The following TBC1D16 variants were observed in gnomAD, a reference collection of about 807,000 sequenced individuals.
TBC1D16 encodes the protein TBC1 domain family member 16, also known as CTD-2529O21.1.
TBC1D16 carries 58 observed loss-of-function variants against 74.7 expected under a neutral mutation model. The observed-to-expected ratio is 0.78, with a 90% CI of 0.63 to 0.97. The LOEUF (loss-of-function observed/expected upper bound fraction) is 0.97. Among genes scored for constraint, TBC1D16 ranks in the 50% least tolerant of loss-of-function variants. TBC1D16 has a pLI of 0.00. For synonymous variants in TBC1D16, 493 were observed against 474.7 expected (o/e 1.04, Z -0.50); for missense variants, 1,014 against 1,079.5 (o/e 0.94, Z 0.85).
chr17:80,006,226 T>TTCTCTCTCTCTC (rs113353447), intron 3 of TBC1D16, among the ~76,000 whole-genome samples: 38 of 148,834 alleles, frequency 2.6e-4, no homozygotes, highest in African/African-American at 8.2e-4. Context: ...CTCTCTTTCT[T>TTCTCTCTCTCTC]TCTCTCTCTC....
chr17:79,966,096 C>G (rs1057382848), intron 3 of TBC1D16, among the ~76,000 whole-genome samples: 14 of 152,172 alleles, frequency 9.2e-5, no homozygotes, highest in Non-Finnish European at 1.9e-4. Flanking sequence ...TCCTTTGAGT[C>G]CCCCCAGCTT....
rs781659458 is a variant in TBC1D16 at position 79,940,984 on chromosome 17, C to T, written c.2179G>A (p.Gly727Ser). ...SGSMPAVECT[G>S]HHPGSESCPY... The stretch of plus-strand genomic sequence containing the variant: ...CAGCTCTCCGAGCCGGGATGGTGGC[C>T]GGTGCACTCCACCGCGGGCATGGAG... The change falls in exon 12 of 12, where the codon GGC (glycine) becomes AGC (serine). Residue 727 changes from glycine (G) to serine (S), a missense_variant. By Grantham distance (56) the Gly-to-Ser change is moderately conservative. Coordinates refer to ENST00000310924, the MANE Select transcript of TBC1D16 (RefSeq NM_019020.4). This position sits in a 1 kb window ranked among gnomAD's most constrained non-coding sequence, Gnocchi z 5.4. The T allele has an allele frequency of 1.6e-5, 26 of 1,607,778 alleles. No homozygotes were observed. The Admixed American group carries it at 1.7e-4, about 10-fold the overall frequency.
At chr17:79,957,069 T>G (rs2033371484) in intron 3 of TBC1D16, among the ~76,000 whole-genome samples, 2 of 152,186 alleles carry the variant, frequency 1.3e-5, no homozygotes, top group Admixed American at 1.3e-4. Context: ...AGCGAGTCTC[T>G]GTGTTCTGTC....
At chr17:80,032,227 T>C (rs1354893081) in intron 1 of TBC1D16, among the ~76,000 whole-genome samples, 1 of 152,068 alleles carries the variant, frequency 6.6e-6, no homozygotes, top group Non-Finnish European at 1.5e-5. Flanking sequence ...ACGGAGAAAA[T>C]ACTGCCACAT....
intron 2 of TBC1D16, among the ~76,000 whole-genome samples, chr17:80,011,359 T>C (rs2035884868): frequency 6.6e-6 from 1 of 152,052 alleles, no homozygotes; most frequent in Admixed American, 6.6e-5. Context: ...GCCATGCACC[T>C]TTCCAAGTAC....
intron 3 of TBC1D16, among the ~76,000 whole-genome samples, chr17:79,960,474 C>G (rs1276585670): frequency 6.6e-6 from 1 of 151,968 alleles, no homozygotes. Flanking sequence ...ATGAATGAGG[C>G]CACGAGCAAG....
intron 3 of TBC1D16, among the ~76,000 whole-genome samples, chr17:79,973,527 G>A (rs1183904396): frequency 1.3e-5 from 2 of 152,148 alleles, no homozygotes; most frequent in Non-Finnish European, 2.9e-5. Context: ...GTCTAACATG[G>A]TGAAACCCCG....
At position 79,949,860 on chromosome 17, in the gene TBC1D16, A is replaced by G. The variant is rs939046037; in HGVS notation, c.1263T>C (p.Ile421=). The G allele has an allele frequency of 1.2e-6, 2 of 1,612,758 alleles. No individual in the cohort carries two copies. Among genetic ancestry groups the G allele is most frequent in the Non-Finnish European group, 1.7e-6 (2 of 1,179,198 alleles). Residue 421 remains isoleucine, a synonymous_variant, in exon 7 of 12, where the codon ATT becomes ATC. Coordinates refer to ENST00000310924, the MANE Select transcript of TBC1D16 (RefSeq NM_019020.4). ...VEEEYKLRKA[I]FFGGIDVSIR... Reference sequence around the variant, plus strand: ...TTGACACATCAATACCGCCAAAGAAAATGGCCTGGAGGAAGCGGCAAAAGT... The same window carrying G: ...TTGACACATCAATACCGCCAAAGAAGATGGCCTGGAGGAAGCGGCAAAAGT...
chr17:80,005,375 G>T (rs951347737), intron 3 of TBC1D16, among the ~76,000 whole-genome samples: 1 of 152,190 alleles, frequency 6.6e-6, no homozygotes. Context: ...GCCCCATGGC[G>T]CCCCGTTATT....
Position 79,952,716 on chromosome 17 carries a change from CTG to C in TBC1D16, c.880_881del (p.Gln294AspfsTer53), listed in dbSNP as rs1219343416. ...DEPQRVCALE[Q>X]ICGVFRVDLG... ...GGTCCACGCGGAACACGCCGCAAAT[CTG>C]CTCCAGGGCGCACACCCGCTGCGGC... On this transcript the variant is annotated frameshift_variant, in exon 4 of 12. Transcript: ENST00000310924. LOFTEE classifies it high-confidence loss of function. The C allele has an allele frequency of 6.2e-7, 1 of 1,612,068 alleles. No homozygotes were observed. The highest frequency in any genetic ancestry group is 8.5e-7 in the Non-Finnish European group (1 of 1,178,996).
At chr17:79,976,673 C>T (rs2034344654) in intron 3 of TBC1D16, among the ~76,000 whole-genome samples, 1 of 152,168 alleles carries the variant, frequency 6.6e-6, no homozygotes, top group East Asian at 1.9e-4. Flanking sequence ...GCAAACTGGC[C>T]CTGATACACT....
At chr17:79,995,409 C>T (rs1174584684) in intron 3 of TBC1D16, among the ~76,000 whole-genome samples, 1 of 151,976 alleles carries the variant, frequency 6.6e-6, no homozygotes, top group South Asian at 2.1e-4. Context: ...ACAAACGACG[C>T]GGGAGTCATT....
Position 79,940,844 on chromosome 17 carries a change from T to C in TBC1D16, c.*15A>G, listed in dbSNP as rs1296379. The C allele has an allele frequency of 1.3e-6, 2 of 1,519,458 alleles. No individual in the cohort carries two copies. Among genetic ancestry groups the C allele is most frequent in the African/African-American group, 1.4e-5 (1 of 72,970 alleles). 94.1% of individuals were successfully genotyped at this position (1,519,458 alleles called of 1,614,324 possible). ...GGAGGTCCCCTCAACCCCTGTCCGG[T>C]GTCGGGGGCCCGACCTATCTGCGGA... On this transcript the variant is annotated 3_prime_UTR_variant, in exon 12 of 12. Transcript: ENST00000310924. The surrounding 1 kb of genome is among the most constrained non-coding windows in gnomAD (Gnocchi z 5.4).
intron 1 of TBC1D16, among the ~76,000 whole-genome samples, chr17:80,027,395 G>C (rs745475304): frequency 1.3e-5 from 2 of 152,104 alleles, no homozygotes; most frequent in African/African-American, 4.8e-5. Context: ...CCAGGAGTTC[G>C]AGATCAGCCT....
In TBC1D16 at chr17:79,938,962, C is replaced by A. The variant is rs1124736; in HGVS notation, c.*1897G>T. On this transcript the variant is annotated 3_prime_UTR_variant, in exon 12 of 12. Coordinates refer to ENST00000310924, the MANE Select transcript of TBC1D16 (RefSeq NM_019020.4). The stretch of plus-strand genomic sequence containing the variant: ...ACCCACTGGCCCTAAACAAACAAGC[C>A]CAGCCTAGACCAGAAGAATCACCCT... The A allele has an allele frequency of 0.37, 56,821 of 152,560 alleles. 10,982 individuals carry two copies. The highest frequency in any genetic ancestry group is 0.45 in the African/African-American group (18,714 of 41,500). The allele number at this position is 152,560 out of a possible 1,614,324, so 9.5% of individuals were successfully genotyped here.
At chr17:80,032,386 T>C (rs2036805227) in intron 1 of TBC1D16, among the ~76,000 whole-genome samples, 1 of 152,164 alleles carries the variant, frequency 6.6e-6, no homozygotes, top group Non-Finnish European at 1.5e-5. Flanking sequence ...TTTCTGTTAT[T>C]CATGTGTCAG....
intron 3 of TBC1D16, among the ~76,000 whole-genome samples, chr17:79,960,668 A>G (rs569105229): frequency 2.0e-5 from 3 of 151,596 alleles, no homozygotes; most frequent in Non-Finnish European, 4.4e-5. Context: ...AGGCAGGAGA[A>G]TCACTTGAAC....
At chr17:79,951,234 G>A (rs1045202302) in intron 5 of TBC1D16, among the ~76,000 whole-genome samples, 12 of 152,356 alleles carry the variant, frequency 7.9e-5, no homozygotes, top group African/African-American at 2.9e-4. Flanking sequence ...GTCAAAACAT[G>A]ATTTTTCAAG....
rs2034957480 is a variant in TBC1D16 at position 79,988,939 on chromosome 17, C to T, written c.779+21221G>A. 6.6e-6 allele frequency among the ~76,000 whole-genome samples: 1 copy of T among 152,196 alleles called. No individual in the cohort carries two copies. The highest frequency in any genetic ancestry group is 2.1e-4 in the South Asian group (1 of 4,834). The stretch of plus-strand genomic sequence containing the variant: ...GCCGGCCCCAGGCCCTCCCTCAGGA[C>T]CCAGCACCTTCAGTCCTCCTGCCGA... On this transcript the variant is annotated intron_variant, in intron 3 of 11. Coordinates refer to ENST00000310924, the MANE Select transcript of TBC1D16 (RefSeq NM_019020.4). This position sits in a 1 kb window ranked among gnomAD's most constrained non-coding sequence, Gnocchi z 5.7.
Sources: allele counts gnomAD v4.1 joint callset (sites outside exome capture counted in the v4.1 genomes callset), GRCh38; gene constraint gnomAD v4.1.1; non-coding constraint Gnocchi (gnomAD v3.1); transcripts MANE v1.5; gene names NCBI Gene and HGNC (gene_info 2026-07-23, HGNC 2026-07-21).